The following FREM1 variants were observed in gnomAD, a reference collection of about 807,000 sequenced individuals.
The protein encoded by FREM1 is FRAS1 related extracellular matrix 1.
A neutral mutation model predicts 210.1 loss-of-function variants in FREM1; 220 were observed. That is an observed-to-expected ratio of 1.05 (90% confidence interval 0.94 to 1.17). FREM1 has a LOEUF of 1.17. Among genes scored for constraint, FREM1 ranks in the 50% most tolerant of loss-of-function variants. The pLI, the probability that FREM1 is intolerant of heterozygous loss-of-function variation, is 0.00. For missense variants in FREM1, 3,454 were observed against 2,675.5 expected (o/e 1.29, Z -6.42); for synonymous variants, 1,189 against 980.2 (o/e 1.21, Z -3.98).
intron 20 of FREM1, among the ~76,000 whole-genome samples, chr9:14,800,671 A>G (rs7873750): frequency 0.017 from 2,529 of 152,268 alleles, 38 homozygotes; most frequent in African/African-American, 0.033. Flanking sequence ...AAAATACAAT[A>G]AAAACTCAAA....
intron 3 of FREM1, 127 bp from the exon 4 acceptor site, chr9:14,859,611 A>G: frequency 1.3e-6 from 1 of 752,162 alleles, no homozygotes; most frequent in Non-Finnish European, 2.2e-6. Flanking sequence ...TTTGGATTTC[A>G]TTTCTTGCTC....
chr9:14,791,600 C>T (rs972946278), intron 22 of FREM1, among the ~76,000 whole-genome samples: 10 of 152,156 alleles, frequency 6.6e-5, no homozygotes, highest in African/African-American at 1.9e-4. Context: ...GGAGGTGGGA[C>T]TGCAGTGGGA....
intron 19 of FREM1, among the ~76,000 whole-genome samples, chr9:14,804,285 G>A (rs1452272968): frequency 6.6e-6 from 1 of 152,124 alleles, no homozygotes; most frequent in Non-Finnish European, 1.5e-5. Context: ...GGGAATGCAG[G>A]TAAAACCATG....
chr9:14,843,453 A>G (rs1462941602), intron 8 of FREM1, among the ~76,000 whole-genome samples: 2 of 152,156 alleles, frequency 1.3e-5, no homozygotes, highest in Admixed American at 1.3e-4. Flanking sequence ...AGCCTCCGCA[A>G]TTACATAAGC....
chr9:14,861,198 TATAC>T (rs1830355177), intron 3 of FREM1, among the ~76,000 whole-genome samples: 2 of 106,012 alleles, frequency 1.9e-5, no homozygotes, highest in East Asian at 8.4e-4. Flanking sequence ...TATATACATA[TATAC>T]ACACATATAC....
chr9:14,766,870 T>G (rs554166482), intron 27 of FREM1, among the ~76,000 whole-genome samples: 1 of 152,342 alleles, frequency 6.6e-6, no homozygotes, highest in East Asian at 1.9e-4. Context: ...ACTTTGTGAT[T>G]CATCCCAGGA....
intron 1 of FREM1, among the ~76,000 whole-genome samples, chr9:14,899,051 C>G (rs1190460548): frequency 4.6e-5 from 7 of 152,204 alleles, no homozygotes; most frequent in Non-Finnish European, 1.0e-4. Flanking sequence ...CTGTGACACC[C>G]ACACACAGCT....
chr9:14,790,738 C>T (rs1037356542), intron 22 of FREM1: 1 of 152,206 alleles, frequency 6.6e-6, no homozygotes, highest in Non-Finnish European at 1.5e-5. Flanking sequence ...GAGTCCTGGT[C>T]CTTGGTCTTG....
At chr9:14,896,472 G>T (rs11793376) in intron 1 of FREM1, among the ~76,000 whole-genome samples, 22,149 of 150,038 alleles carry the variant, frequency 0.15, 2,075 homozygotes, top group Middle Eastern at 0.24. Flanking sequence ...TAAACTGGGG[G>T]AGACAGAGGT....
At chr9:14,806,895 A>G in intron 17 of FREM1, 49 bp from the exon 18 acceptor site, 1 of 1,258,852 alleles carries the variant, frequency 7.9e-7, no homozygotes, top group South Asian at 1.5e-5. Context: ...AATCCTCTAA[A>G]CAGACTGGGT....
At chr9:14,826,976 T>C (rs1284883251) in intron 10 of FREM1, among the ~76,000 whole-genome samples, 1 of 152,178 alleles carries the variant, frequency 6.6e-6, no homozygotes, top group Non-Finnish European at 1.5e-5. Context: ...GTCTCAGGTA[T>C]TTTGCCATAG....
At chr9:14,864,047 C>G (rs1362429758) in intron 2 of FREM1, 144 bp from the exon 3 acceptor site, 6 of 626,764 alleles carry the variant, frequency 9.6e-6, no homozygotes, top group Non-Finnish European at 1.8e-5. Flanking sequence ...TCACCACCAC[C>G]ACCTCTACCC....
intron 1 of FREM1, among the ~76,000 whole-genome samples, chr9:14,871,900 G>C (rs1038737059): frequency 1.5e-4 from 23 of 152,222 alleles, no homozygotes; most frequent in African/African-American, 5.3e-4. Flanking sequence ...AGTTTTCTCA[G>C]CACCATTCAT....
At chr9:14,835,559 G>A (rs2818936) in intron 10 of FREM1, among the ~76,000 whole-genome samples, 23,060 of 152,136 alleles carry the variant, frequency 0.15, 2,233 homozygotes, top group East Asian at 0.43. Context: ...GGTCAGTGAA[G>A]AATGTCACTT....
chr9:14,857,556 G>C lies in FREM1; in HGVS notation c.825C>G (p.Tyr275Ter), dbSNP rs761606980. The C allele has an allele frequency of 8.1e-6, 13 of 1,612,360 alleles. No homozygotes were observed. The highest frequency in any genetic ancestry group is 1.1e-5 in the Non-Finnish European group (13 of 1,179,084). The change falls in exon 5 of 37, where the codon TAC becomes TAG. Residue 275 changes from tyrosine (Y) to a stop codon, truncating the protein, a stop_gained. Transcript: ENST00000380880. LOFTEE classifies it high-confidence loss of function. ...DLTDTRSKIVYKSESAWLPVY... is the reference protein window; with the variant it reads ...DLTDTRSKIV ...CACACATAACCCCAAACTCTACCTT[G>C]TACACAATTTTGCTCCTGGTATCTG...
intron 23 of FREM1, among the ~76,000 whole-genome samples, chr9:14,788,567 T>C (rs987543469): frequency 6.6e-6 from 1 of 152,232 alleles, no homozygotes; most frequent in Non-Finnish European, 1.5e-5. Context: ...CAGTGATAGA[T>C]CACTTCCTGA....
At position 14,880,601 on chromosome 9, in the gene FREM1, C is replaced by CAA. The variant is rs35625770; in HGVS notation, c.-267-11359_-267-11358dup. The stretch of plus-strand genomic sequence containing the variant: ...CCTGGGTAACAGAGTGAGACTGTCT[C>CAA]AAAAAAAAAAAAAAAAAAAAGTACA... On this transcript the variant is annotated intron_variant, in intron 1 of 36. Coordinates refer to ENST00000380880, the MANE Select transcript of FREM1 (RefSeq NM_001379081.2). Among the ~76,000 whole-genome samples the CAA allele has an allele frequency of 3.2e-4, 24 of 75,552 alleles. 1 individual carries two copies. The highest frequency in any genetic ancestry group is 6.9e-4 in the African/African-American group (17 of 24,600). 49.6% of individuals were successfully genotyped at this position (75,552 alleles called of 152,430 possible).
intron 10 of FREM1, among the ~76,000 whole-genome samples, chr9:14,835,687 T>C (rs1359497505): frequency 6.6e-6 from 1 of 152,214 alleles, no homozygotes; most frequent in East Asian, 1.9e-4. Flanking sequence ...AAGTCTTACC[T>C]GAAATTCCTT....
At position 14,844,413 on chromosome 9, in the gene FREM1, T is replaced by C. The variant is rs141723270; in HGVS notation, c.1393+1547A>G. On this transcript the variant is annotated intron_variant, in intron 8 of 36. Transcript: ENST00000380880. The stretch of plus-strand genomic sequence containing the variant: ...GCTATTTTTATGTTTTTAGTAGAGA[T>C]GGGGTTTCACCATGTCGGCCAGGCT... 8.0e-3 allele frequency among the ~76,000 whole-genome samples: 1,214 copies of C among 152,128 alleles called. 17 individuals are homozygous for C. The highest frequency in any genetic ancestry group is 0.028 in the African/African-American group (1,148 of 41,496).
Sources: allele counts gnomAD v4.1 joint callset (sites outside exome capture counted in the v4.1 genomes callset), GRCh38; gene constraint gnomAD v4.1.1; transcripts MANE v1.5; gene names NCBI Gene and HGNC (gene_info 2026-07-23, HGNC 2026-07-21).